Variants in NRXN2 observed in about 807,000 individuals in gnomAD.
NRXN2 encodes neurexin-2-beta.
Under a neutral mutation model 128.8 loss-of-function variants are expected in NRXN2, and 29 were observed. The ratio of observed to expected loss-of-function variants is 0.23; its 90% CI spans 0.17 to 0.31. The LOEUF (loss-of-function observed/expected upper bound fraction) is 0.31, where lower values mean the gene tolerates loss of function less well. Among genes scored for constraint, NRXN2 ranks in the 10% least tolerant of loss-of-function variants. The pLI is 1.00. For synonymous variants in NRXN2, 1,098 were observed against 1,075.2 expected, an observed-to-expected ratio of 1.02 and a Z score of -0.41; for missense variants, 1,881 against 2,452.6, an observed-to-expected ratio of 0.77 and a Z score of 4.92.
At chr11:64,645,783 C>G (rs1049196756) in intron 17 of NRXN2, among the ~76,000 whole-genome samples, 45 of 152,156 alleles carry the variant, frequency 3.0e-4, no homozygotes, top group Admixed American at 7.9e-4. Flanking sequence ...GTCTCTCCCC[C>G]ACCAGACAGC....
intron 7 of NRXN2, among the ~76,000 whole-genome samples, chr11:64,672,678 C>T (rs2050789897): frequency 6.6e-6 from 1 of 152,054 alleles, no homozygotes; most frequent in Non-Finnish European, 1.5e-5. Flanking sequence ...CCTGGCATCC[C>T]CTTAGGATTG....
At position 64,642,752 on chromosome 11, in the gene NRXN2, G is replaced by A. The variant is rs939214167; in HGVS notation, c.3403+5467C>T. On this transcript the variant is annotated intron_variant, in intron 17 of 22. Transcript: ENST00000265459. ...GGAGGCGGCGGCAGGGGCCCAGCCA[G>A]GGCCGGGGGGCGGCGCGGGCACCCC... 23 of 1,246,124 alleles carry A rather than the reference G, an allele frequency of 1.8e-5. No individual in the cohort carries two copies. In the African/African-American group the frequency reaches 3.5e-4, roughly 19 times the overall value. The allele number at this position is 1,246,124 out of a possible 1,614,324, so 77.2% of individuals were successfully genotyped here. A position where few individuals can be genotyped will look rare whatever the true frequency, so the allele number is the denominator to read the frequency against.
At chr11:64,650,416 GGCCAGGCCTTC>G (rs1190859723) in intron 15 of NRXN2, 21 bp downstream of exon 15, 1 of 1,612,572 alleles carries the variant, frequency 6.2e-7, no homozygotes, top group African/African-American at 1.3e-5. Context: ...TCTGGGCTAG[GGCCAGGCCTTC>G]TCCAGAGGCC....
At position 64,661,158 on chromosome 11, in the gene NRXN2, C is replaced by T; in HGVS notation, c.1799-19G>A. On this transcript the variant is annotated intron_variant, in intron 9 of 22. Transcript: ENST00000265459. ...ATGGAGCCTGGGAATCAAGGGAAGGCAGGATGGAGAAAAGCCACAGGCCAG... is the reference window on the plus strand; with the variant it reads ...ATGGAGCCTGGGAATCAAGGGAAGGTAGGATGGAGAAAAGCCACAGGCCAG... The T allele has an allele frequency of 1.2e-6, 2 of 1,613,216 alleles. No homozygotes were observed. Among genetic ancestry groups the T allele is most frequent in the East Asian group, 2.2e-5 (1 of 44,886 alleles).
intron 22 of NRXN2, among the ~76,000 whole-genome samples, chr11:64,618,358 T>G (rs1347963907): frequency 2.6e-5 from 4 of 152,162 alleles, no homozygotes; most frequent in Admixed American, 2.6e-4. Context: ...AAGCAGAGAC[T>G]CCTCCTGTTA....
At chr11:64,666,631 T>C (rs1466465907) in intron 9 of NRXN2, among the ~76,000 whole-genome samples, 1 of 151,840 alleles carries the variant, frequency 6.6e-6, no homozygotes, top group Admixed American at 6.6e-5. Flanking sequence ...TGGCACAATC[T>C]AGGCTCACTG....
At chr11:64,620,443 G>C (rs937954496) in intron 21 of NRXN2, 71 bp from the exon 22 acceptor site, 1 of 1,227,076 alleles carries the variant, frequency 8.1e-7, no homozygotes, top group Non-Finnish European at 1.2e-6. Context: ...GCTGCCACTT[G>C]AGGTGCACGG....
chr11:64,625,963 C>G (rs952840875), intron 20 of NRXN2, among the ~76,000 whole-genome samples: 4 of 152,208 alleles, frequency 2.6e-5, no homozygotes, highest in African/African-American at 7.2e-5. Flanking sequence ...CCACTCTTCT[C>G]TCTTCTCCTC....
At chr11:64,683,024 T>C (rs1000105058) in intron 6 of NRXN2, among the ~76,000 whole-genome samples, 4 of 152,160 alleles carry the variant, frequency 2.6e-5, no homozygotes, top group African/African-American at 9.7e-5. Flanking sequence ...CCCACTCCCA[T>C]GGCTGCAGAA....
In NRXN2 at chr11:64,689,620, G is replaced by GTAAAGTGA. The variant is rs541378095; in HGVS notation, c.850+777_850+784dup. Among the ~76,000 whole-genome samples, 53 of 152,282 alleles carry GTAAAGTGA rather than the reference G, an allele frequency of 3.5e-4. 1 individual carries two copies. In the South Asian group the frequency reaches 0.011, roughly 31 times the overall value. On this transcript the variant is annotated intron_variant, in intron 5 of 22. Coordinates refer to ENST00000265459, the MANE Select transcript of NRXN2 (RefSeq NM_015080.4). Reference sequence around the variant, plus strand: ...TTGGTCTAGTTGGGGAAGCAAACAGGTAAAGTGACAGTTATGATACAGTGT... The same window carrying GTAAAGTGA: ...TTGGTCTAGTTGGGGAAGCAAACAGGTAAAGTGATAAAGTGACAGTTATGATACAGTGT...
chr11:64,668,984 C>T (rs1048160312), intron 7 of NRXN2, among the ~76,000 whole-genome samples: 21 of 152,134 alleles, frequency 1.4e-4, no homozygotes, highest in African/African-American at 4.6e-4. Flanking sequence ...AAATGGCATC[C>T]TCACTTTTCT....
rs2042427831 is a variant in NRXN2, at chr11:64,622,065, G to T, written c.4173+688C>A. Among the ~76,000 whole-genome samples, 2 of 152,200 alleles carry T rather than the reference G, an allele frequency of 1.3e-5. No individual in the cohort carries two copies. The highest frequency in any genetic ancestry group is 1.3e-4 in the Admixed American group (2 of 15,290). On this transcript the variant is annotated intron_variant, in intron 21 of 22. Transcript: ENST00000265459. The surrounding 1 kb of genome is among the most constrained non-coding windows in gnomAD (Gnocchi z 4.3). The stretch of plus-strand genomic sequence containing the variant: ...GGGGCCATCCAGATCAGCAGGTGGG[G>T]TGAGCACCAGGGAACTGTCTGCACT...
At chr11:64,712,846 C>T in intron 2 of NRXN2, 124 bp downstream of exon 2, 1 of 920,864 alleles carries the variant, frequency 1.1e-6, no homozygotes, top group Non-Finnish European at 1.7e-6. Flanking sequence ...CGCTCGCACC[C>T]ACTCACAAGC....
chr11:64,679,515 T>A (rs1346506821), intron 6 of NRXN2, among the ~76,000 whole-genome samples: 1 of 152,034 alleles, frequency 6.6e-6, no homozygotes, highest in Non-Finnish European at 1.5e-5. Flanking sequence ...CGGGCGCCCG[T>A]AGTCCCAGCT....
Position 64,651,645 on chromosome 11 carries a change from G to A in NRXN2, c.2537-9C>T, listed in dbSNP as rs529662766. 242 of 1,613,308 alleles carry A rather than the reference G, an allele frequency of 1.5e-4. 1 individual carries two copies. The South Asian group carries it at 2.4e-3, about 16-fold the overall frequency. The stretch of plus-strand genomic sequence containing the variant: ...GGCTCCTGCCATCTGTCCTGCTCAG[G>A]ACAGGAGACCAAGATGAGGGGGATG... On this transcript the variant is annotated splice_polypyrimidine_tract_variant and intron_variant, in intron 13 of 22. Coordinates refer to ENST00000265459, the MANE Select transcript of NRXN2 (RefSeq NM_015080.4). The surrounding 1 kb of genome is among the most constrained non-coding windows in gnomAD (Gnocchi z 5.9).
At chr11:64,712,838 C>T in intron 2 of NRXN2, 132 bp downstream of exon 2, 5 of 872,870 alleles carry the variant, frequency 5.7e-6, no homozygotes, top group Non-Finnish European at 5.4e-6. Context: ...CCCTGGAGCG[C>T]TCGCACCCAC....
At chr11:64,719,631 A>G (rs1191121409) in intron 1 of NRXN2, among the ~76,000 whole-genome samples, 2 of 152,128 alleles carry the variant, frequency 1.3e-5, no homozygotes, top group African/African-American at 2.4e-5. Context: ...CAGAGGTGCA[A>G]TGGAATGACT....
intron 2 of NRXN2, among the ~76,000 whole-genome samples, chr11:64,703,455 T>C (rs192110854): frequency 6.6e-6 from 1 of 152,280 alleles, no homozygotes. Flanking sequence ...ACACTGCTAG[T>C]TAGTGACAGT....
intron 2 of NRXN2, among the ~76,000 whole-genome samples, chr11:64,708,918 G>A (rs1469933670): frequency 2.0e-5 from 3 of 152,066 alleles, no homozygotes; most frequent in East Asian, 1.9e-4. Context: ...TTGGCCAGGC[G>A]CAGTGGCTCA....
Sources: gnomAD v4.1 joint callset for allele counts (sites outside exome capture counted in the v4.1 genomes callset) on GRCh38, gnomAD v4.1.1 for gene constraint, Gnocchi (gnomAD v3.1) non-coding constraint, MANE v1.5 for transcripts, NCBI Gene and HGNC (gene_info 2026-07-23, HGNC 2026-07-21) for gene names.